Variants in VPS13B observed in about 807,000 individuals in gnomAD.
VPS13B encodes intermembrane lipid transfer protein VPS13B.
In VPS13B, 285 loss-of-function variants were observed where a neutral mutation model predicts 426.4. That is an observed-to-expected ratio of 0.67 (90% CI 0.61 to 0.74). VPS13B has a LOEUF of 0.74. VPS13B is among the 30% of genes least tolerant of loss of function. VPS13B has a pLI of 0.00. For missense variants in VPS13B, 4,537 were observed against 4,782.6 expected (o/e 0.95, Z 1.51); for synonymous variants, 1,676 against 1,676.4 (o/e 1.00, Z 0.01).
intron 17 of VPS13B, among the ~76,000 whole-genome samples, chr8:99,197,617 C>T (rs1413669264): frequency 6.6e-6 from 1 of 152,106 alleles, no homozygotes; most frequent in Non-Finnish European, 1.5e-5. Context: ...TGATGAGTCT[C>T]TATATTTCTG....
intron 6 of VPS13B, among the ~76,000 whole-genome samples, chr8:99,115,359 T>A (rs1847600962): frequency 6.6e-6 from 1 of 152,118 alleles, no homozygotes; most frequent in Non-Finnish European, 1.5e-5. Context: ...AATACTGTTA[T>A]TCTCTTAATG....
intron 2 of VPS13B, among the ~76,000 whole-genome samples, chr8:99,035,815 A>G (rs1346884982): frequency 6.6e-6 from 1 of 152,266 alleles, no homozygotes; most frequent in East Asian, 1.9e-4. Context: ...CATTTTCTCA[A>G]CACTTACTAT....
At chr8:99,081,460 A>C (rs1845450675) in intron 3 of VPS13B, among the ~76,000 whole-genome samples, 1 of 152,184 alleles carries the variant, frequency 6.6e-6, no homozygotes, top group South Asian at 2.1e-4. Flanking sequence ...GTTTTAGGGT[A>C]CACGTGCACA....
At chr8:99,356,977 T>C (rs1042174490) in intron 19 of VPS13B, among the ~76,000 whole-genome samples, 2 of 152,282 alleles carry the variant, frequency 1.3e-5, no homozygotes, top group East Asian at 3.9e-4. Context: ...TTATAGAAAA[T>C]GTAATTAATT....
intron 44 of VPS13B, 28 bp downstream of exon 44, chr8:99,809,558 AC>A: frequency 6.2e-7 from 1 of 1,613,614 alleles, no homozygotes; most frequent in Non-Finnish European, 8.5e-7. Context: ...CATGACCCAG[AC>A]ACCTCTTAAT....
At chr8:99,348,779 A>C (rs1811691703) in intron 19 of VPS13B, among the ~76,000 whole-genome samples, 1 of 152,192 alleles carries the variant, frequency 6.6e-6, no homozygotes, top group South Asian at 2.1e-4. Context: ...AGTATAAATC[A>C]CTTGTTTCCT....
chr8:99,813,571 T>C (rs565451863), intron 44 of VPS13B, among the ~76,000 whole-genome samples: 1 of 152,364 alleles, frequency 6.6e-6, no homozygotes, highest in Admixed American at 6.5e-5. Context: ...GTTTGCTTCC[T>C]AATTTAGGAT....
intron 35 of VPS13B, among the ~76,000 whole-genome samples, chr8:99,688,614 G>A (rs1300061665): frequency 6.6e-6 from 1 of 152,052 alleles, no homozygotes; most frequent in Non-Finnish European, 1.5e-5. Flanking sequence ...TGACGAGCCT[G>A]TGAGAGTTCA....
At chr8:99,478,918 T>C (rs1588422731) in intron 24 of VPS13B, among the ~76,000 whole-genome samples, 1 of 152,270 alleles carries the variant, frequency 6.6e-6, no homozygotes, top group Non-Finnish European at 1.5e-5. Flanking sequence ...TTTCTAAGAT[T>C]GTATTAACTT....
chr8:99,381,238 T>C (rs1813786620), intron 19 of VPS13B, among the ~76,000 whole-genome samples: 1 of 152,218 alleles, frequency 6.6e-6, no homozygotes, highest in African/African-American at 2.4e-5. Context: ...CATGATCTTG[T>C]TCTTTTTTAT....
intron 29 of VPS13B, among the ~76,000 whole-genome samples, chr8:99,515,994 G>T (rs1431856902): frequency 2.0e-5 from 3 of 151,996 alleles, no homozygotes; most frequent in South Asian, 2.1e-4. Flanking sequence ...TTGCATCTCT[G>T]TATCTGTGCA....
chr8:99,362,434 G>A (rs1232054226), intron 19 of VPS13B, among the ~76,000 whole-genome samples: 1 of 152,040 alleles, frequency 6.6e-6, no homozygotes, highest in Non-Finnish European at 1.5e-5. Context: ...GGGACACCGC[G>A]CCTGGCCTAA....
intron 19 of VPS13B, among the ~76,000 whole-genome samples, chr8:99,370,393 G>A (rs1489268929): frequency 6.6e-6 from 1 of 152,064 alleles, no homozygotes; most frequent in Admixed American, 6.5e-5. Context: ...TATATTGAAG[G>A]GTAGCTGGAG....
At chr8:99,184,267 T>G (rs1813096329) in intron 16 of VPS13B, among the ~76,000 whole-genome samples, 1 of 152,172 alleles carries the variant, frequency 6.6e-6, no homozygotes, top group South Asian at 2.1e-4. Flanking sequence ...ATATAGTAAA[T>G]TTATGTTTAA....
At chr8:99,336,749 A>G (rs1810901356) in intron 19 of VPS13B, among the ~76,000 whole-genome samples, 2 of 152,344 alleles carry the variant, frequency 1.3e-5, no homozygotes, top group Non-Finnish European at 1.5e-5. Flanking sequence ...GCAGCTAAAA[A>G]ACACATGAAA....
At chr8:99,718,869 G>A (rs989218654) in intron 37 of VPS13B, among the ~76,000 whole-genome samples, 1 of 151,856 alleles carries the variant, frequency 6.6e-6, no homozygotes, top group Non-Finnish European at 1.5e-5. Flanking sequence ...ATGTTGCCCA[G>A]GCTGGTCTCA....
chr8:99,602,732 A>T lies in VPS13B; in HGVS notation c.5220+25099A>T, dbSNP rs189670373. Reference sequence around the variant, plus strand: ...GCAAAAATCACAAGCATTCCTATACACCAATAATAGACAAACAGCCAAATC... The same window carrying T: ...GCAAAAATCACAAGCATTCCTATACTCCAATAATAGACAAACAGCCAAATC... On this transcript the variant is annotated intron_variant, in intron 33 of 61. Transcript: ENST00000357162. Among the ~76,000 whole-genome samples, 17 of 152,330 alleles carry T rather than the reference A, an allele frequency of 1.1e-4. No homozygotes were observed. The East Asian group carries it at 3.1e-3, about 28-fold the overall frequency.
At chr8:99,510,468 G>A (rs1237688356) in intron 28 of VPS13B, among the ~76,000 whole-genome samples, 1 of 152,056 alleles carries the variant, frequency 6.6e-6, no homozygotes, top group East Asian at 1.9e-4. Context: ...AAATTATCAC[G>A]AAATGAAAAG....
chr8:99,394,844 A>G (rs190281429), intron 21 of VPS13B, among the ~76,000 whole-genome samples: 5 of 152,346 alleles, frequency 3.3e-5, no homozygotes, highest in Admixed American at 3.3e-4. Flanking sequence ...CACCTTGACT[A>G]TTGCTAAGAT....
Sources: allele counts gnomAD v4.1 joint callset (sites outside exome capture counted in the v4.1 genomes callset), GRCh38; gene constraint gnomAD v4.1.1; transcripts MANE v1.5; gene names NCBI Gene and HGNC (gene_info 2026-07-23, HGNC 2026-07-21).